PCDH15: variants seen among roughly 807,000 people sequenced by gnomAD.
The protein encoded by PCDH15 is protocadherin-15.
PCDH15 carries 129 observed loss-of-function variants against 178.5 expected under a neutral mutation model. The observed-to-expected ratio is 0.72, with a 90% confidence interval of 0.63 to 0.84. The LOEUF (loss-of-function observed/expected upper bound fraction) is 0.84, where lower values mean the gene tolerates loss of function less well. PCDH15 is among the 40% of genes least tolerant of loss of function. The probability of loss-of-function intolerance (pLI) is 0.00; values close to 1 mark genes in which losing one functional copy is unlikely to be tolerated. For missense variants in PCDH15, 2,230 were observed against 2,099.9 expected (o/e 1.06, Z -1.21); for synonymous variants, 800 against 732.0 (o/e 1.09, Z -1.50).
chr10:55,033,743 A>T (rs796990138), intron 2 of PCDH15, among the ~76,000 whole-genome samples: 3 of 152,146 alleles, frequency 2.0e-5, no homozygotes, highest in African/African-American at 7.2e-5. Context: ...GAATAAATGA[A>T]TTTTTTTTAA....
chr10:54,279,051 T>A (rs746923745), intron 8 of PCDH15, among the ~76,000 whole-genome samples: 4 of 151,660 alleles, frequency 2.6e-5, no homozygotes, highest in Non-Finnish European at 4.4e-5. Context: ...CCTTTTTACA[T>A]ATATTCCTGT....
At chr10:54,726,160 C>T (rs1211417893) in intron 1 of PCDH15, among the ~76,000 whole-genome samples, 1 of 150,992 alleles carries the variant, frequency 6.6e-6, no homozygotes, top group African/African-American at 2.4e-5. Context: ...CCTTTTATAA[C>T]CCTTTCTAAA....
At chr10:54,928,147 T>A (rs563718741) in intron 2 of PCDH15, among the ~76,000 whole-genome samples, 18 of 152,294 alleles carry the variant, frequency 1.2e-4, no homozygotes, top group African/African-American at 4.3e-4. Context: ...ACAAAGTCTC[T>A]CAGCATTTGC....
At chr10:55,261,116 A>G (rs1842137259) in intron 1 of PCDH15, among the ~76,000 whole-genome samples, 1 of 152,220 alleles carries the variant, frequency 6.6e-6, no homozygotes, top group Non-Finnish European at 1.5e-5. Flanking sequence ...TATTCTTTCC[A>G]TGCAACAAAT....
At chr10:54,450,584 A>G (rs943775805) in intron 3 of PCDH15, among the ~76,000 whole-genome samples, 1 of 151,744 alleles carries the variant, frequency 6.6e-6, no homozygotes, top group African/African-American at 2.4e-5. Context: ...TCTCTTACAA[A>G]AGTTACTAAA....
intron 11 of PCDH15, among the ~76,000 whole-genome samples, chr10:54,193,503 C>A (rs987296246): frequency 6.6e-6 from 1 of 151,986 alleles, no homozygotes; most frequent in African/African-American, 2.4e-5. Context: ...AAGCAAAATC[C>A]GCACTAAAAT....
chr10:54,342,844 G>T (rs1447906219), intron 6 of PCDH15, among the ~76,000 whole-genome samples: 1 of 152,204 alleles, frequency 6.6e-6, no homozygotes, highest in Non-Finnish European at 1.5e-5. Context: ...GAAGCTTTAA[G>T]ATTTAATAAC....
chr10:54,017,472 A>AT (rs1392378798), intron 20 of PCDH15, among the ~76,000 whole-genome samples: 1 of 152,192 alleles, frequency 6.6e-6, no homozygotes, highest in Admixed American at 6.5e-5. Context: ...AAAGAATAAA[A>AT]CCATGTCCTT....
chr10:55,431,682 A>G (rs960629984), intron 2 of PCDH15, among the ~76,000 whole-genome samples: 2 of 152,182 alleles, frequency 1.3e-5, no homozygotes, highest in Non-Finnish European at 2.9e-5. Flanking sequence ...TAACTAAAAC[A>G]CACTAAATGA....
intron 20 of PCDH15, among the ~76,000 whole-genome samples, chr10:54,018,671 G>C (rs2092817897): frequency 6.6e-6 from 1 of 152,024 alleles, no homozygotes; most frequent in Non-Finnish European, 1.5e-5. Context: ...ACTATATGAA[G>C]CATGAATAGT....
intron 23 of PCDH15, among the ~76,000 whole-genome samples, chr10:53,954,431 C>A (rs2087406700): frequency 6.6e-6 from 1 of 152,190 alleles, no homozygotes; most frequent in African/African-American, 2.4e-5. Flanking sequence ...GATTTTGTTT[C>A]TCTGTCTAGC....
At chr10:54,505,360 C>G (rs2081081234) in intron 3 of PCDH15, among the ~76,000 whole-genome samples, 1 of 152,178 alleles carries the variant, frequency 6.6e-6, no homozygotes, top group Non-Finnish European at 1.5e-5. Context: ...ATTTCCCATG[C>G]TCCTAAGTTA....
At chr10:55,577,245 C>G (rs1040456668) in intron 2 of PCDH15, among the ~76,000 whole-genome samples, 6 of 151,590 alleles carry the variant, frequency 4.0e-5, no homozygotes, top group Non-Finnish European at 7.4e-5. Context: ...CATCTCAAAA[C>G]AAAACAAAAA....
At chr10:55,467,957 A>G (rs1839868107) in intron 2 of PCDH15, among the ~76,000 whole-genome samples, 2 of 115,204 alleles carry the variant, frequency 1.7e-5, no homozygotes, top group Admixed American at 2.5e-4. Flanking sequence ...ATAGAGCCAG[A>G]CTCCGTCTCA....
At chr10:54,804,165 G>A (rs1952736233), upstream of PCDH15, among the ~76,000 whole-genome samples, 1 of 152,144 alleles carries the variant, frequency 6.6e-6, no homozygotes, top group South Asian at 2.1e-4. Context: ...TCAGCCTCCG[G>A]AGTAGCTGGG....
chr10:53,924,326 C>A (rs910824093), intron 25 of PCDH15, among the ~76,000 whole-genome samples: 6 of 152,202 alleles, frequency 3.9e-5, no homozygotes, highest in Admixed American at 1.3e-4. Context: ...AGCACCCAGG[C>A]CAGCAGCTGC....
intron 8 of PCDH15, among the ~76,000 whole-genome samples, chr10:54,306,492 G>T (rs999825898): frequency 1.3e-5 from 2 of 151,626 alleles, no homozygotes; most frequent in African/African-American, 2.4e-5. Flanking sequence ...AAAATAGTTT[G>T]CCAGAATCCT....
chr10:54,873,562 A>ATG (rs4007202), intron 3 of PCDH15, among the ~76,000 whole-genome samples: 134,234 of 143,860 alleles, frequency 0.93, 63,065 homozygotes, highest in Non-Finnish European at 1. Flanking sequence ...ACATATACGT[A>ATG]TGTGTGTGTG....
At position 53,903,238 on chromosome 10, in the gene PCDH15, C is replaced by T. The variant is rs779766439; in HGVS notation, c.3501+5G>A. On this transcript the variant is annotated splice_donor_5th_base_variant and intron_variant, in intron 26 of 37. Transcript: ENST00000644397. The stretch of plus-strand genomic sequence containing the variant: ...AGTTCTGTATATTAACATAATTCCG[C>T]ATACCTTCACTCTGAGTACAGAAGT... 1 of 1,612,512 alleles carries T rather than the reference C, an allele frequency of 6.2e-7. No homozygotes were observed. Among genetic ancestry groups the T allele is most frequent in the Non-Finnish European group, 8.5e-7 (1 of 1,179,184 alleles).
Sources: gnomAD v4.1 joint callset for allele counts (sites outside exome capture counted in the v4.1 genomes callset) on GRCh38, gnomAD v4.1.1 for gene constraint, MANE v1.5 for transcripts, NCBI Gene and HGNC (gene_info 2026-07-23, HGNC 2026-07-21) for gene names.